Variants in ARHGEF28 observed in about 807,000 individuals in gnomAD.
ARHGEF28 encodes the protein 190 kDa guanine nucleotide exchange factor.
A neutral mutation model predicts 206.6 loss-of-function variants in ARHGEF28; 152 were observed. The observed-to-expected ratio is 0.74, with a 90% confidence interval of 0.64 to 0.84. The LOEUF (loss-of-function observed/expected upper bound fraction) is 0.84. Ranked by LOEUF, ARHGEF28 falls within the 40% of genes least tolerant of loss-of-function variation. The pLI is 0.00. For missense variants in ARHGEF28, 2,028 were observed against 2,073.2 expected (o/e 0.98, Z 0.42); for synonymous variants, 763 against 776.4 (o/e 0.98, Z 0.29).
At chr5:73,893,581 A>C (rs553553204) in intron 28 of ARHGEF28, among the ~76,000 whole-genome samples, 1 of 152,188 alleles carries the variant, frequency 6.6e-6, no homozygotes, top group African/African-American at 2.4e-5. Context: ...TCATGGTTTA[A>C]TTTTAGGTCT....
intron 28 of ARHGEF28, among the ~76,000 whole-genome samples, chr5:73,893,573 A>C (rs947028523): frequency 2.6e-5 from 4 of 152,222 alleles, no homozygotes; most frequent in African/African-American, 9.6e-5. Context: ...TATTTGTCTC[A>C]TGGTTTAATT....
intron 2 of ARHGEF28, among the ~76,000 whole-genome samples, chr5:73,710,817 C>T (rs1469216744): frequency 6.6e-6 from 1 of 152,060 alleles, no homozygotes. Context: ...ATTCTACCAC[C>T]TCAGCTTCCC....
At position 73,904,452 on chromosome 5, in the gene ARHGEF28, T is replaced by C. The variant is rs775105294; in HGVS notation, c.4161+47T>C. ...TTGACCTTGTGAATGGTTCTCTTAA[T>C]GCAATTCTCTTTGATGATTCCCAGA... On this transcript the variant is annotated intron_variant, in intron 33 of 35. Transcript: ENST00000513042. 3.9e-6 allele frequency: 6 copies of C among 1,533,128 alleles called. No homozygotes were observed. The African/African-American group carries it at 5.5e-5, about 14-fold the overall frequency. 95.0% of individuals were successfully genotyped at this position (1,533,128 alleles called of 1,614,324 possible).
At chr5:73,714,188 T>C (rs533672447) in intron 2 of ARHGEF28, among the ~76,000 whole-genome samples, 3 of 152,280 alleles carry the variant, frequency 2.0e-5, no homozygotes, top group Non-Finnish European at 2.9e-5. Context: ...ATCGTTATTA[T>C]CATCTTTGGG....
At chr5:73,763,084 G>T (rs1752697682) in intron 4 of ARHGEF28, among the ~76,000 whole-genome samples, 1 of 152,194 alleles carries the variant, frequency 6.6e-6, no homozygotes, top group African/African-American at 2.4e-5. Flanking sequence ...AGAAATGTTG[G>T]TGTGGTGGTT....
At position 73,887,667 on chromosome 5, in the gene ARHGEF28, C is replaced by G. The variant is rs1218896083; in HGVS notation, c.3375C>G (p.Ile1125Met). The G allele has an allele frequency of 6.4e-7, 1 of 1,569,964 alleles. No homozygotes were observed. The highest frequency in any genetic ancestry group is 1.3e-5 in the African/African-American group (1 of 74,128). Residue 1125 changes from isoleucine to methionine, a missense_variant, in exon 26 of 36, where the codon ATC (isoleucine) becomes ATG (methionine). By Grantham distance (10) the Ile-to-Met change is conservative. This residue lies in a region of ARHGEF28 where 803 missense variants were observed against 768.0 expected (regional missense o/e 1.05). Coordinates refer to ENST00000513042, the MANE Select transcript of ARHGEF28 (RefSeq NM_001177693.2). ...LFLQEKDQKY[I>M]FAAVDQKPSV... ...TACAAGAAAAAGACCAGAAATACAT[C>G]TTTGCAGCCGTTGTAAGTATATGAC...
chr5:73,750,263 A>G (rs1467369135), intron 3 of ARHGEF28, among the ~76,000 whole-genome samples: 1 of 152,174 alleles, frequency 6.6e-6, no homozygotes, highest in Admixed American at 6.5e-5. Context: ...CTTTGCATGC[A>G]GTCAACTGGA....
intron 9 of ARHGEF28, among the ~76,000 whole-genome samples, chr5:73,817,953 A>G (rs1756329593): frequency 6.6e-6 from 1 of 152,166 alleles, no homozygotes; most frequent in African/African-American, 2.4e-5. Flanking sequence ...GCAAGATGGT[A>G]GGGTTGTTTG....
intron 5 of ARHGEF28, 86 bp downstream of exon 5, chr5:73,774,124 G>A: frequency 7.9e-7 from 1 of 1,264,288 alleles, no homozygotes; most frequent in Non-Finnish European, 1.1e-6. Flanking sequence ...CAAACCACAA[G>A]CTAATGTTGG....
chr5:73,642,228 T>C (rs2112142271), intron 1 of ARHGEF28, among the ~76,000 whole-genome samples: 1 of 152,372 alleles, frequency 6.6e-6, no homozygotes, highest in East Asian at 1.9e-4. Flanking sequence ...ACTAAATGCC[T>C]TAATTGTTTA....
chr5:73,737,940 A>C (rs966499259), intron 2 of ARHGEF28, among the ~76,000 whole-genome samples: 2 of 152,112 alleles, frequency 1.3e-5, no homozygotes, highest in Admixed American at 1.3e-4. Flanking sequence ...TTTCCATGCT[A>C]TGACTGGGCT....
chr5:73,849,600 CA>C (rs1256484580), intron 13 of ARHGEF28, among the ~76,000 whole-genome samples: 2 of 147,456 alleles, frequency 1.4e-5, no homozygotes, highest in Non-Finnish European at 3.0e-5. Flanking sequence ...GCAATGTAGG[CA>C]ATTAGAAATA....
At chr5:73,647,136 G>C in intron 1 of ARHGEF28, among the ~76,000 whole-genome samples, 1 of 152,182 alleles carries the variant, frequency 6.6e-6, no homozygotes, top group East Asian at 1.9e-4. Flanking sequence ...AATGCCACAA[G>C]AGGAAAATTC....
intron 1 of ARHGEF28, among the ~76,000 whole-genome samples, chr5:73,642,838 C>T (rs1744208308): frequency 1.3e-5 from 2 of 152,108 alleles, no homozygotes; most frequent in South Asian, 4.1e-4. Context: ...GTTCATGTGG[C>T]TGCTCCCTGA....
chr5:73,731,774 G>A (rs1750637219), intron 2 of ARHGEF28, among the ~76,000 whole-genome samples: 1 of 152,140 alleles, frequency 6.6e-6, no homozygotes, highest in African/African-American at 2.4e-5. Flanking sequence ...ATGGTAAATT[G>A]TTAGAAATGG....
chr5:73,803,754 A>G (rs888383632), intron 9 of ARHGEF28, among the ~76,000 whole-genome samples: 4 of 152,164 alleles, frequency 2.6e-5, no homozygotes, highest in Admixed American at 6.5e-5. Context: ...CAGTCTGTTG[A>G]TTCTTCATAA....
At chr5:73,794,350 C>G (rs79399884) in intron 7 of ARHGEF28, 52 bp from the exon 8 acceptor site, 14 of 1,124,256 alleles carry the variant, frequency 1.2e-5, no homozygotes, top group Non-Finnish European at 1.6e-5. Context: ...AGTTGTTGTT[C>G]TTCTTAACAA....
chr5:73,933,806 C>CT (rs1255305261), intron 35 of ARHGEF28, among the ~76,000 whole-genome samples: 1 of 151,738 alleles, frequency 6.6e-6, no homozygotes, highest in East Asian at 1.9e-4. Flanking sequence ...GATAAGGACT[C>CT]TTTTTTTTCT....
intron 2 of ARHGEF28, among the ~76,000 whole-genome samples, chr5:73,728,581 C>T (rs1208167633): frequency 6.6e-6 from 1 of 152,168 alleles, no homozygotes; most frequent in African/African-American, 2.4e-5. Flanking sequence ...AATGTTTTTC[C>T]TTCTCGTCCA....
Sources: gnomAD v4.1 joint callset for allele counts (sites outside exome capture counted in the v4.1 genomes callset) on GRCh38, gnomAD v4.1.1 for gene constraint, gnomAD v4.1.1 regional missense constraint, MANE v1.5 for transcripts, NCBI Gene and HGNC (gene_info 2026-07-23, HGNC 2026-07-21) for gene names.